The following IL1RAPL1 variants were observed in gnomAD, a reference collection of about 807,000 sequenced individuals.
IL1RAPL1 encodes interleukin 1 receptor accessory protein like 1.
In IL1RAPL1, 3 loss-of-function variants were observed where a neutral mutation model predicts 48.4. The observed-to-expected ratio is 0.06, with a 90% CI of 0.03 to 0.16. The LOEUF (loss-of-function observed/expected upper bound fraction) is 0.16. Among genes scored for constraint, IL1RAPL1 ranks in the 10% least tolerant of loss-of-function variants. IL1RAPL1 has a pLI of 1.00. For synonymous variants in IL1RAPL1, 185 were observed against 187.7 expected (o/e 0.99, Z 0.12); for missense variants, 349 against 530.6 (o/e 0.66, Z 3.36).
At chrX:29,208,735 T>TAAA (rs34457915) in intron 2 of IL1RAPL1, among the ~76,000 whole-genome samples, 3 of 81,724 alleles carry the variant, frequency 3.7e-5, no homozygotes, top group Non-Finnish European at 6.8e-5. Flanking sequence ...ATAATAATAA[T>TAAA]AAATAAATAA....
In IL1RAPL1 at chrX:28,868,098, C is replaced by T. The variant is rs1261634457; in HGVS notation, c.82+78673C>T. 2.7e-5 allele frequency among the ~76,000 whole-genome samples: 3 copies of T among 110,901 alleles called. No homozygotes were observed. In the East Asian group the frequency reaches 8.6e-4, roughly 32 times the overall value. ...ATATCAGTTTATGACAGTATAACTA[C>T]AAAAAAAAGTATAGTCACCAAAGTA... On this transcript the variant is annotated intron_variant, in intron 2 of 10. Transcript: ENST00000378993.
intron 2 of IL1RAPL1, among the ~76,000 whole-genome samples, chrX:29,206,821 A>C (rs1930675721): frequency 8.9e-6 from 1 of 112,114 alleles, no homozygotes; most frequent in African/African-American, 3.2e-5. Context: ...AGGGATAATT[A>C]TTGAAAAATA....
chrX:29,930,924 ATTC>A (rs1317591887), intron 8 of IL1RAPL1, among the ~76,000 whole-genome samples: 2 of 111,903 alleles, frequency 1.8e-5, no homozygotes. Flanking sequence ...GTAATGCTCT[ATTC>A]TTTGTGAAGC....
chrX:29,626,694 T>G (rs897635244), intron 5 of IL1RAPL1, among the ~76,000 whole-genome samples: 1 of 112,084 alleles, frequency 8.9e-6, no homozygotes, highest in Non-Finnish European at 1.9e-5. Context: ...AGTTTTGATA[T>G]GAAAAATCAA....
chrX:28,939,722 C>G (rs1230876410), intron 2 of IL1RAPL1, among the ~76,000 whole-genome samples: 2 of 111,535 alleles, frequency 1.8e-5, no homozygotes, highest in Non-Finnish European at 3.8e-5. Flanking sequence ...TCTTTTCTCT[C>G]ATGTTTTTAT....
intron 1 of IL1RAPL1, among the ~76,000 whole-genome samples, chrX:28,593,729 TAATA>T (rs1933926633): frequency 9.0e-6 from 1 of 111,715 alleles, no homozygotes; most frequent in Non-Finnish European, 1.9e-5. Context: ...ATTATAATTA[TAATA>T]AATCAGCATA....
chrX:29,596,515 G>C (rs756302210), intron 5 of IL1RAPL1, among the ~76,000 whole-genome samples: 1 of 111,915 alleles, frequency 8.9e-6, no homozygotes, highest in East Asian at 2.8e-4. Flanking sequence ...TTGGGATCTT[G>C]ATTTGATTCT....
intron 1 of IL1RAPL1, among the ~76,000 whole-genome samples, chrX:28,692,620 A>G (rs1168309128): frequency 8.9e-6 from 1 of 111,918 alleles, no homozygotes; most frequent in Admixed American, 9.5e-5. Flanking sequence ...GTAATTATAG[A>G]TTTTAATAAG....
chrX:29,912,538 T>C (rs1932765433), intron 6 of IL1RAPL1, among the ~76,000 whole-genome samples: 1 of 111,830 alleles, frequency 8.9e-6, no homozygotes, highest in African/African-American at 3.3e-5. Flanking sequence ...AACAGAAATA[T>C]GTTCCAAAGT....
chrX:29,620,746 C>T (rs763420178), intron 5 of IL1RAPL1, among the ~76,000 whole-genome samples: 14 of 111,543 alleles, frequency 1.3e-4, no homozygotes, highest in Non-Finnish European at 2.5e-4. Flanking sequence ...TTTAAGAAGA[C>T]AAATAAAAAT....
intron 2 of IL1RAPL1, among the ~76,000 whole-genome samples, chrX:28,931,437 G>A (rs1326392861): frequency 3.6e-5 from 4 of 111,968 alleles, no homozygotes; most frequent in Non-Finnish European, 5.6e-5. Flanking sequence ...GTATGTAAAT[G>A]ATTCACTTTT....
rs1199142250 is a variant in IL1RAPL1 at position 29,210,289 on chromosome X, C to T, written c.83-72649C>T. Among the ~76,000 whole-genome samples, 5 of 111,729 alleles carry T rather than the reference C, an allele frequency of 4.5e-5. No homozygotes were observed. In the Admixed American group the frequency reaches 4.8e-4, roughly 11 times the overall value. On this transcript the variant is annotated intron_variant, in intron 2 of 10. Coordinates refer to ENST00000378993, the MANE Select transcript of IL1RAPL1 (RefSeq NM_014271.4). The stretch of plus-strand genomic sequence containing the variant: ...TTCTAAACCTGTCAAGTATGAATGT[C>T]ATGGATCACGAGGATTTACTGTTAT...
chrX:29,249,516 AG>A (rs1264840577), intron 2 of IL1RAPL1, among the ~76,000 whole-genome samples: 1 of 111,503 alleles, frequency 9.0e-6, no homozygotes, highest in African/African-American at 3.3e-5. Flanking sequence ...AACCCATTAT[AG>A]TATCTTGTTT....
intron 1 of IL1RAPL1, among the ~76,000 whole-genome samples, chrX:28,701,186 C>T (rs1313463220): frequency 9.0e-6 from 1 of 111,574 alleles, no homozygotes; most frequent in African/African-American, 3.3e-5. Flanking sequence ...TAAAAGCGTT[C>T]AACCTCTACT....
At chrX:29,580,793 T>C (rs1922937467) in intron 5 of IL1RAPL1, among the ~76,000 whole-genome samples, 1 of 112,085 alleles carries the variant, frequency 8.9e-6, no homozygotes, top group South Asian at 3.7e-4. Flanking sequence ...ATGTATAAGA[T>C]GTGAAACAGG....
chrX:29,613,408 T>C (rs1186264166), intron 5 of IL1RAPL1, among the ~76,000 whole-genome samples: 1 of 110,997 alleles, frequency 9.0e-6, no homozygotes, highest in Non-Finnish European at 1.9e-5. Flanking sequence ...CACTTGCTCT[T>C]CCTCCGAGAG....
At chrX:29,574,493 T>A (rs953571847) in intron 5 of IL1RAPL1, 1 of 110,002 alleles carries the variant, frequency 9.1e-6, no homozygotes, top group African/African-American at 3.3e-5. Flanking sequence ...AACTCAAAAG[T>A]CCGCAGTCTG....
Position 29,711,089 on chromosome X carries a change from C to CACACACACACACAG in IL1RAPL1, c.778+42586_778+42587insCACACACACACAGA, listed in dbSNP as rs1309628138. On this transcript the variant is annotated intron_variant, in intron 6 of 10. Coordinates refer to ENST00000378993, the MANE Select transcript of IL1RAPL1 (RefSeq NM_014271.4). ...GTGTATACACACACACACACACACA[C>CACACACACACACAG]AGATATATATTTTCCCATTATTTAG... Among the ~76,000 whole-genome samples the CACACACACACACAG allele has an allele frequency of 3.0e-5, 3 of 101,204 alleles. No individual in the cohort carries two copies. In the East Asian group the frequency reaches 9.5e-4, roughly 32 times the overall value. The allele number at this position is 101,204 out of a possible 115,157, so 87.9% of individuals were successfully genotyped here.
chrX:29,091,627 C>T (rs1500729), intron 2 of IL1RAPL1, among the ~76,000 whole-genome samples: 26,857 of 110,390 alleles, frequency 0.24, 3,139 homozygotes, highest in African/African-American at 0.45. Flanking sequence ...GTTGTGAAAC[C>T]TGTGCAATCA....
Sources: allele counts gnomAD v4.1 joint callset (sites outside exome capture counted in the v4.1 genomes callset), GRCh38; gene constraint gnomAD v4.1.1; transcripts MANE v1.5; gene names NCBI Gene and HGNC (gene_info 2026-07-23, HGNC 2026-07-21).